Variants in PLCB3 observed in about 807,000 individuals in gnomAD.
PLCB3 encodes phospholipase C beta 3, also known as 1-phosphatidylinositol 4,5-bisphosphate phosphodiesterase beta-3.
A neutral mutation model predicts 152.1 loss-of-function variants in PLCB3; 54 were observed. That is an observed-to-expected ratio of 0.36 (90% confidence interval 0.29 to 0.45). The LOEUF is 0.45. Among genes scored for constraint, PLCB3 ranks in the 20% least tolerant of loss-of-function variants. The pLI is 1.00. For missense variants in PLCB3, 1,248 were observed against 1,687.5 expected (o/e 0.74, Z 4.56); for synonymous variants, 717 against 698.7 (o/e 1.03, Z -0.41).
Position 64,255,238 on chromosome 11 carries a change from G to T in PLCB3, c.392G>T (p.Trp131Leu). The part of the protein sequence containing the change: ...MAVQDDTAKV[W>L]SEELFKLAMN... ...CCGTGTATACTGGCCCCCCAGGTCT[G>T]GTCTGAGGAGCTATTCAAGCTGGCT... The change falls in exon 5 of 31, where the codon TGG becomes TTG. Residue 131 changes from tryptophan to leucine, a missense_variant. Physicochemically the swap from Trp to Leu is moderately conservative, Grantham distance 61. Around this residue, in one of 6 missense-constraint regions of PLCB3, gnomAD observed 299 missense variants for 434.7 expected, o/e 0.69. Transcript: ENST00000279230. The surrounding 1 kb of genome is among the most constrained non-coding windows in gnomAD (Gnocchi z 6.8). The T allele has an allele frequency of 6.2e-7, 1 of 1,612,892 alleles. No individual in the cohort carries two copies.
chr11:64,264,277 C>G (rs1039103196), intron 22 of PLCB3, among the ~76,000 whole-genome samples, 165 bp downstream of exon 22: 5 of 152,190 alleles, frequency 3.3e-5, no homozygotes, highest in African/African-American at 1.2e-4. Context: ...ATTCAGGAGG[C>G]CTTCAGGTCA....
chr11:64,256,526 G>A lies in PLCB3; in HGVS notation c.849G>A (p.Gln283=). 1 of 1,613,904 alleles carries A rather than the reference G, an allele frequency of 6.2e-7. No individual in the cohort carries two copies. Among genetic ancestry groups the A allele is most frequent in the Non-Finnish European group, 8.5e-7 (1 of 1,179,968 alleles). The part of the protein sequence containing the change: ...RLLIEKYEPN[Q]QFLERDQMSM... ...TCATCGAAAAGTATGAGCCCAACCA[G>A]CAGTTTCTGGAGCGAGGTGAGCTGG... Residue 283 remains glutamine (Q), a synonymous_variant, in exon 9 of 31, where the codon CAG becomes CAA. Transcript: ENST00000279230.
At chr11:64,254,316 T>C in intron 1 of PLCB3, 99 bp from the exon 2 acceptor site, 1 of 958,708 alleles carries the variant, frequency 1.0e-6, no homozygotes. Context: ...TCTTAGCTCA[T>C]GGGCAGGAAC....
chr11:64,264,853 G>A, intron 22 of PLCB3, 98 bp from the exon 23 acceptor site: 1 of 1,140,086 alleles, frequency 8.8e-7, no homozygotes, highest in Non-Finnish European at 1.3e-6. Flanking sequence ...ACTAAGGGAG[G>A]CTGACAGGGG....
Position 64,260,123 on chromosome 11 carries a change from C to T in PLCB3, c.1620C>T (p.Asp540=), listed in dbSNP as rs557598296. Residue 540 remains aspartate (D), a synonymous_variant, in exon 14 of 31, where the codon GAC becomes GAT. Coordinates refer to ENST00000279230, the MANE Select transcript of PLCB3 (RefSeq NM_000932.5). ...TGGAGCCTCAGAAGTCTCTGGGTGA[C>T]GAGGGCCTGAACCGAGGCCCCTATG... ...PSLEPQKSLG[D]EGLNRGPYVL... 64 of 1,611,580 alleles carry T rather than the reference C, an allele frequency of 4.0e-5. No homozygotes were observed. The highest frequency in any genetic ancestry group is 4.0e-4 in the South Asian group (36 of 90,730).
At chr11:64,251,840 G>T in intron 1 of PLCB3, 92 bp downstream of exon 1, 4 of 670,088 alleles carry the variant, frequency 6.0e-6, no homozygotes, top group Non-Finnish European at 9.0e-6. Flanking sequence ...AGCCTCGCCT[G>T]CCCGTGGCGC....
Position 64,263,484 on chromosome 11 carries a change from A to C in PLCB3, c.2356-14A>C. 6.5e-7 allele frequency: 1 copy of C among 1,531,292 alleles called. No individual in the cohort carries two copies. Among genetic ancestry groups the C allele is most frequent in the Non-Finnish European group, 8.8e-7 (1 of 1,131,482 alleles). The allele number at this position is 1,531,292 out of a possible 1,614,324, so 94.9% of individuals were successfully genotyped here. On this transcript the variant is annotated splice_polypyrimidine_tract_variant and intron_variant, in intron 19 of 30. Coordinates refer to ENST00000279230, the MANE Select transcript of PLCB3 (RefSeq NM_000932.5). ...AGGGTCAGCCCTGTGGCTCAGCTCC[A>C]GTCTGGCCCACAGGTGGTGCTGCCC... is the stretch of plus-strand genomic sequence containing the variant.
Position 64,258,804 on chromosome 11 carries a change from C to A in PLCB3, c.1254-81C>A. On this transcript the variant is annotated intron_variant, in intron 11 of 30. Transcript: ENST00000279230. The surrounding 1 kb of genome is among the most constrained non-coding windows in gnomAD (Gnocchi z 7.2). ...GACTGCTCAGGGACCTCCAACCCTGCGAACGGCCACTGACATGTCCCGTAG... is the reference window on the plus strand; with the variant it reads ...GACTGCTCAGGGACCTCCAACCCTGAGAACGGCCACTGACATGTCCCGTAG... The A allele has an allele frequency of 5.0e-6, 8 of 1,600,264 alleles. No homozygotes were observed. The highest frequency in any genetic ancestry group is 6.8e-6 in the Non-Finnish European group (8 of 1,168,404).
Position 64,251,577 on chromosome 11 carries a change from G to T in PLCB3, c.-73G>T. ...TGACGCCGCGGGGCCGGAGCGGGCC[G>T]CGCGGTGGGAGCAGCGGCGCCGTCG... On this transcript the variant is annotated 5_prime_UTR_variant, in exon 1 of 31. Coordinates refer to ENST00000279230, the MANE Select transcript of PLCB3 (RefSeq NM_000932.5). 1 of 619,424 alleles carries T rather than the reference G, an allele frequency of 1.6e-6. No individual in the cohort carries two copies. The highest frequency in any genetic ancestry group is 2.3e-6 in the Non-Finnish European group (1 of 441,184). The allele number at this position is 619,424 out of a possible 1,614,324, so 38.4% of individuals were successfully genotyped here. A position where few individuals can be genotyped will look rare whatever the true frequency, so the allele number is the denominator to read the frequency against.
Position 64,259,245 on chromosome 11 carries a change from G to A in PLCB3, c.1525+1G>A. Reference sequence around the variant, plus strand: ...ACCGAGCCCTCCTCCCCGCAGCTGGGTAGGCCCCAGCCCGGCCCGCCACCC... The same window carrying A: ...ACCGAGCCCTCCTCCCCGCAGCTGGATAGGCCCCAGCCCGGCCCGCCACCC... On this transcript the variant is annotated splice_donor_variant, in intron 13 of 30. Coordinates refer to ENST00000279230, the MANE Select transcript of PLCB3 (RefSeq NM_000932.5). LOFTEE classifies it high-confidence loss of function. The A allele has an allele frequency of 6.6e-7, 1 of 1,522,706 alleles. No homozygotes were observed. The highest frequency in any genetic ancestry group is 8.8e-7 in the Non-Finnish European group (1 of 1,134,934). 94.3% of individuals were successfully genotyped at this position (1,522,706 alleles called of 1,614,324 possible).
intron 16 of PLCB3, 72 bp from the exon 17 acceptor site, chr11:64,261,880 T>C: frequency 4.4e-6 from 7 of 1,597,870 alleles, no homozygotes; most frequent in Non-Finnish European, 6.0e-6. Context: ...CAGGAGCACC[T>C]GGCTGAGGCC....
Position 64,262,047 on chromosome 11 carries a change from A to C in PLCB3, c.2009A>C (p.Gln670Pro). The C allele has an allele frequency of 6.2e-7, 1 of 1,614,138 alleles. No homozygotes were observed. Among genetic ancestry groups the C allele is most frequent in the Non-Finnish European group, 8.5e-7 (1 of 1,180,010 alleles). ...CAGCTCTTCTGGAACGTAGGGTGCC[A>C]GCTTGTTGCGCTCAACTTCCAGACC... ...MPQLFWNVGC[Q>P]LVALNFQTLD... Residue 670 changes from glutamine (Q) to proline (P), a missense_variant, in exon 17 of 31, where the codon CAG becomes CCG. By Grantham distance (76) the Gln-to-Pro change is moderately conservative. Coordinates refer to ENST00000279230, the MANE Select transcript of PLCB3 (RefSeq NM_000932.5).
chr11:64,251,854 C>A, intron 1 of PLCB3, 106 bp downstream of exon 1: 1 of 584,396 alleles, frequency 1.7e-6, no homozygotes, highest in Non-Finnish European at 2.7e-6. Flanking sequence ...GTGGCGCCAC[C>A]CTCATCCCAG....
chr11:64,251,942 A>G (rs1565327644), intron 1 of PLCB3, among the ~76,000 whole-genome samples, 194 bp downstream of exon 1: 1 of 151,210 alleles, frequency 6.6e-6, no homozygotes, highest in African/African-American at 2.4e-5. Flanking sequence ...CCAGTCCCTC[A>G]GCTCTGGAAA....
intron 14 of PLCB3, among the ~76,000 whole-genome samples, chr11:64,260,693 A>G (rs1294667010): frequency 6.7e-6 from 1 of 149,142 alleles, no homozygotes; most frequent in African/African-American, 2.5e-5. Context: ...GAATCCCTTG[A>G]ACCTGGGAGG....
At chr11:64,261,282 A>G (rs2031835899) in intron 14 of PLCB3, 118 bp from the exon 15 acceptor site, 2 of 773,664 alleles carry the variant, frequency 2.6e-6, no homozygotes, top group Middle Eastern at 3.3e-4. Context: ...TGTCGGCACC[A>G]CCAGCAGTGT....
chr11:64,264,118 C>CCGGGG lies in PLCB3; in HGVS notation c.2652+8_2652+12dup, dbSNP rs775087401. On this transcript the variant is annotated splice_region_variant and intron_variant, in intron 22 of 30. Transcript: ENST00000279230. The stretch of plus-strand genomic sequence containing the variant: ...CCCTCATTGGGGAGAGTGAGGTGAG[C>CCGGGG]CGGGGCAGGGCAGGGCTCAGGCTCA... 5.7e-5 allele frequency: 87 copies of CCGGGG among 1,523,892 alleles called. No homozygotes were observed. The highest frequency in any genetic ancestry group is 7.4e-5 in the Non-Finnish European group (84 of 1,136,890). 94.4% of individuals were successfully genotyped at this position (1,523,892 alleles called of 1,614,324 possible). A position where few individuals can be genotyped will look rare whatever the true frequency, so the allele number is the denominator to read the frequency against.
At position 64,256,538 on chromosome 11, in the gene PLCB3, G is replaced by A; in HGVS notation, c.861G>A (p.Glu287=). 1 of 1,613,800 alleles carries A rather than the reference G, an allele frequency of 6.2e-7. No individual in the cohort carries two copies. Among genetic ancestry groups the A allele is most frequent in the Non-Finnish European group, 8.5e-7 (1 of 1,179,860 alleles). Reference sequence around the variant, plus strand: ...ATGAGCCCAACCAGCAGTTTCTGGAGCGAGGTGAGCTGGCTGGGGTGCAGG... The same window carrying A: ...ATGAGCCCAACCAGCAGTTTCTGGAACGAGGTGAGCTGGCTGGGGTGCAGG... The part of the protein sequence containing the change: ...EKYEPNQQFL[E]RDQMSMEGFS... The change falls in exon 9 of 31, where the codon GAG becomes GAA. Residue 287 remains glutamate (E), a synonymous_variant. Transcript: ENST00000279230.
At chr11:64,261,276 G>A (rs1234062056) in intron 14 of PLCB3, 124 bp from the exon 15 acceptor site, 13 of 746,604 alleles carry the variant, frequency 1.7e-5, no homozygotes, top group South Asian at 2.9e-5. Context: ...GAAGACTGTC[G>A]GCACCACCAG....
Sources: gnomAD v4.1 joint callset for allele counts (sites outside exome capture counted in the v4.1 genomes callset) on GRCh38, gnomAD v4.1.1 for gene constraint, gnomAD v4.1.1 regional missense constraint, Gnocchi (gnomAD v3.1) non-coding constraint, MANE v1.5 for transcripts, NCBI Gene and HGNC (gene_info 2026-07-23, HGNC 2026-07-21) for gene names.